The following RAPGEF3 variants were observed in gnomAD, a reference collection of about 807,000 sequenced individuals.
RAPGEF3 encodes 9330170P05Rik.
In RAPGEF3, 103 loss-of-function variants were observed where a neutral mutation model predicts 129.8. The observed-to-expected ratio is 0.79, with a 90% CI of 0.68 to 0.93. RAPGEF3 has a LOEUF of 0.93. Ranked by LOEUF, RAPGEF3 falls within the 40% of genes least tolerant of loss-of-function variation. The pLI, the probability that RAPGEF3 is intolerant of heterozygous loss-of-function variation, is 0.00. For synonymous variants in RAPGEF3, 436 were observed against 482.6 expected (o/e 0.90, Z 1.26); for missense variants, 1,117 against 1,207.4 (o/e 0.93, Z 1.11).
chr12:47,758,153 G>A (rs1396008204), intron 1 of RAPGEF3, 75 bp from the exon 2 acceptor site: 3 of 1,502,908 alleles, frequency 2.0e-6, no homozygotes, highest in Non-Finnish European at 2.7e-6. Context: ...ACTGCCCCAG[G>A]CAGAACTACT....
Position 47,739,212 on chromosome 12 carries a change from G to A in RAPGEF3, c.2392C>T (p.Arg798Trp), listed in dbSNP as rs753781665. The change falls in exon 24 of 28, where the codon CGG becomes TGG. Residue 798 changes from arginine to tryptophan, a missense_variant. Coordinates refer to ENST00000449771, the MANE Select transcript of RAPGEF3 (RefSeq NM_001098531.4). ...ERLLDPSWNHRVYRLALAKLS... is the reference protein window; with the variant it reads ...ERLLDPSWNHWVYRLALAKLS... ...TTGGCGAGGGCCAGTCGGTATACCCGGTGGTTCCATGAGGGATCCTAGGGG... is the reference window on the plus strand; with the variant it reads ...TTGGCGAGGGCCAGTCGGTATACCCAGTGGTTCCATGAGGGATCCTAGGGG... 1.4e-5 allele frequency: 22 copies of A among 1,611,806 alleles called. No individual in the cohort carries two copies. In the East Asian group the frequency reaches 1.8e-4, roughly 13 times the overall value.
chr12:47,744,021 A>C lies in RAPGEF3; in HGVS notation c.1644T>G (p.Pro548=), dbSNP rs1461740300. Residue 548 remains proline (P), a synonymous_variant, in exon 17 of 28, where the codon CCT becomes CCG. Coordinates refer to ENST00000449771, the MANE Select transcript of RAPGEF3 (RefSeq NM_001098531.4). The part of the protein sequence containing the change: ...VWLPNQDEPL[P]GSSCAIQVGD... ...CAACTTGGATGGCACAGCTGCTGCC[A>C]GGAAGGGGCTCGTCCTGGTTGGGGA... 4.8e-5 allele frequency: 78 copies of C among 1,612,464 alleles called. No individual in the cohort carries two copies. The highest frequency in any genetic ancestry group is 6.0e-5 in the Non-Finnish European group (71 of 1,178,654).
In RAPGEF3 at chr12:47,737,018, A is replaced by G. The variant is rs1383518876; in HGVS notation, c.*549T>C. On this transcript the variant is annotated 3_prime_UTR_variant, in exon 28 of 28. Coordinates refer to ENST00000449771, the MANE Select transcript of RAPGEF3 (RefSeq NM_001098531.4). ...CTGGGCTGGCCTGGAACATACTACT[A>G]TGTTGACAGTAACAATAAAGCTCCT... 1.3e-5 allele frequency: 2 copies of G among 156,196 alleles called. No individual in the cohort carries two copies. Among genetic ancestry groups the G allele is most frequent in the Admixed American group, 1.3e-4 (2 of 15,454 alleles). The allele number at this position is 156,196 out of a possible 1,614,324, so 9.7% of individuals were successfully genotyped here.
chr12:47,748,272 GTCCAGCCCCT>G, intron 12 of RAPGEF3, 120 bp from the exon 13 acceptor site: 1 of 1,012,134 alleles, frequency 9.9e-7, no homozygotes, highest in Non-Finnish European at 1.5e-6. Flanking sequence ...TCCCAGCAGT[GTCCAGCCCCT>G]GTGATAGTGC....
rs1319926942 is a variant in RAPGEF3 at position 47,737,685 on chromosome 12, C to T, written c.2654G>A (p.Cys885Tyr). The change falls in exon 28 of 28, where the codon TGC becomes TAC. Residue 885 changes from cysteine to tyrosine, a missense_variant and splice_region_variant. This residue lies in a region of RAPGEF3 where 643 missense variants were observed against 673.4 expected (regional missense o/e 0.95). Coordinates refer to ENST00000449771, the MANE Select transcript of RAPGEF3 (RefSeq NM_001098531.4). Reference sequence around the variant, plus strand: ...CCGGGTGCTCAGGGACTGCTCCGAGCCTGGTGGAGGAGAGTAGTCAGGGAG... The same window carrying T: ...CCGGGTGCTCAGGGACTGCTCCGAGTCTGGTGGAGGAGAGTAGTCAGGGAG... The part of the protein sequence containing the change: ...EDSQVARIST[C>Y]SEQSLSTRSP... The T allele has an allele frequency of 6.2e-7, 1 of 1,612,964 alleles. No individual in the cohort carries two copies. Among genetic ancestry groups the T allele is most frequent in the East Asian group, 2.2e-5 (1 of 44,874 alleles).
intron 2 of RAPGEF3, among the ~76,000 whole-genome samples, chr12:47,755,424 G>A (rs540925888): frequency 1.3e-5 from 2 of 152,192 alleles, no homozygotes; most frequent in East Asian, 1.9e-4. Context: ...GTGCGTTCTC[G>A]GAGTTACAAA....
In RAPGEF3 at chr12:47,751,121, C is replaced by A; in HGVS notation, c.598G>T (p.Glu200Ter). Residue 200 changes from glutamate (E) to a stop codon, truncating the protein, a stop_gained, in exon 6 of 28, where the codon GAG becomes TAG. Transcript: ENST00000449771. LOFTEE classifies it high-confidence loss of function. ...AGCAGGGCCACAGCTTCGGCCAACTCCTCCTCCATCTCATGAGTTCTCACG... is the reference window on the plus strand; with the variant it reads ...AGCAGGGCCACAGCTTCGGCCAACTACTCCTCCATCTCATGAGTTCTCACG... ...EPVRTHEMEE[E>*]LAEAVALLSQ... 1.3e-6 allele frequency: 2 copies of A among 1,578,354 alleles called. No homozygotes were observed. The highest frequency in any genetic ancestry group is 2.3e-5 in the East Asian group (1 of 43,378).
chr12:47,737,873 T>C, intron 27 of RAPGEF3, 149 bp downstream of exon 27: 2 of 1,214,772 alleles, frequency 1.6e-6, no homozygotes, highest in Non-Finnish European at 2.4e-6. Flanking sequence ...GCCCCCTGGC[T>C]CAGAGCACAG....
intron 2 of RAPGEF3, among the ~76,000 whole-genome samples, chr12:47,756,966 TAAAAAAAAAAAAAAGAAAG>T (rs1336323570): frequency 7.3e-6 from 1 of 136,704 alleles, no homozygotes; most frequent in Non-Finnish European, 1.6e-5. Flanking sequence ...AGACTCTGGT[TAAAAAAAAAAAAAAGAAAG>T]AAAAGAAAAA....
intron 15 of RAPGEF3, 106 bp downstream of exon 15, chr12:47,747,438 T>A: frequency 8.9e-7 from 1 of 1,128,750 alleles, no homozygotes; most frequent in Non-Finnish European, 1.3e-6. Flanking sequence ...AAGTAAGTGG[T>A]GCAGCCTGGA....
chr12:47,749,101 T>A lies in RAPGEF3; in HGVS notation c.1042-170A>T. 1 of 656,222 alleles carries A rather than the reference T, an allele frequency of 1.5e-6. No individual in the cohort carries two copies. Among genetic ancestry groups the A allele is most frequent in the Non-Finnish European group, 2.6e-6 (1 of 378,138 alleles). The allele number at this position is 656,222 out of a possible 1,614,324, so 40.6% of individuals were successfully genotyped here. A position where few individuals can be genotyped will look rare whatever the true frequency, so the allele number is the denominator to read the frequency against. On this transcript the variant is annotated intron_variant, in intron 10 of 27. Coordinates refer to ENST00000449771, the MANE Select transcript of RAPGEF3 (RefSeq NM_001098531.4). The surrounding 1 kb of genome is among the most constrained non-coding windows in gnomAD (Gnocchi z 4.5). ...CCTCCTCAGCCTTCCCTACCTTCCA[T>A]GCATCCTGCCTCCCCCACAGCCTAG...
rs756777798 is a variant in RAPGEF3, at chr12:47,740,914, C to T, written c.2049+1G>A. On this transcript the variant is annotated splice_donor_variant, in intron 20 of 27. Transcript: ENST00000449771. LOFTEE classifies it high-confidence loss of function. ...TCCTCCCCCAGCTCTGCCTCCCATA[C>T]CTGGTGGATACTGTTGAAGAGGCTC... 17 of 1,613,922 alleles carry T rather than the reference C, an allele frequency of 1.1e-5. No homozygotes were observed. Among genetic ancestry groups the T allele is most frequent in the Non-Finnish European group, 1.3e-5 (15 of 1,179,996 alleles).
In RAPGEF3 at chr12:47,739,149, G is replaced by T. The variant is rs765761936; in HGVS notation, c.2455C>A (p.Leu819Ile). The change falls in exon 24 of 28, where the codon CTC (leucine) becomes ATC (isoleucine). Residue 819 changes from leucine (L) to isoleucine (I), a missense_variant. By Grantham distance (5) the Leu-to-Ile change is conservative. Around this residue, in one of 3 missense-constraint regions of RAPGEF3, gnomAD observed 643 missense variants for 673.4 expected, o/e 0.95. Transcript: ENST00000449771. ...AGGCAGGAAGCCCTGTTACCTTTGA[G>T]AAGAAGGGGCATGAAGGGGATGACA... ...PPVIPFMPLL[L>I]KDMTFIHEGN... The T allele has an allele frequency of 1.3e-6, 2 of 1,596,800 alleles. No homozygotes were observed. The highest frequency in any genetic ancestry group is 2.2e-5 in the East Asian group (1 of 44,806).
chr12:47,756,978 A>G (rs377218228), intron 2 of RAPGEF3, among the ~76,000 whole-genome samples: 1 of 151,908 alleles, frequency 6.6e-6, no homozygotes, highest in East Asian at 1.9e-4. Flanking sequence ...AAAAAAAAAA[A>G]AAGAAAGAAA....
In RAPGEF3 at chr12:47,735,779, A is replaced by G. The variant is rs61917617; in HGVS notation, c.*1788T>C. ...AGAGTCTGAAGAACGGTGAAGGGCC[A>G]CGGCTGGCTGGCTGGCTTTTGCCGA... On this transcript the variant is annotated 3_prime_UTR_variant, in exon 28 of 28. Coordinates refer to ENST00000449771, the MANE Select transcript of RAPGEF3 (RefSeq NM_001098531.4). 0.27 allele frequency: 40,388 copies of G among 152,282 alleles called. 5,469 individuals carry two copies. The highest frequency in any genetic ancestry group is 0.33 in the Middle Eastern group (98 of 294). 9.4% of individuals were successfully genotyped at this position (152,282 alleles called of 1,614,324 possible). A position where few individuals can be genotyped will look rare whatever the true frequency, so the allele number is the denominator to read the frequency against.
Position 47,748,054 on chromosome 12 carries a change from C to A in RAPGEF3, c.1322+20G>T, listed in dbSNP as rs533742640. The stretch of plus-strand genomic sequence containing the variant: ...CATCCTATCCCCATGCACACCATCC[C>A]CCTGGAGCTGGAAGGATATTGGTGC... On this transcript the variant is annotated intron_variant, in intron 13 of 27. Transcript: ENST00000449771. 2 of 1,566,954 alleles carry A rather than the reference C, an allele frequency of 1.3e-6. No homozygotes were observed. Among genetic ancestry groups the A allele is most frequent in the Non-Finnish European group, 1.7e-6 (2 of 1,151,972 alleles).
chr12:47,746,586 G>A, intron 16 of RAPGEF3: 1 of 694,712 alleles, frequency 1.4e-6, no homozygotes. Context: ...GGCTCTACCT[G>A]TGGGCATGAA....
chr12:47,740,500 G>T lies in RAPGEF3; in HGVS notation c.2232-105C>A. On this transcript the variant is annotated intron_variant, in intron 21 of 27. Coordinates refer to ENST00000449771, the MANE Select transcript of RAPGEF3 (RefSeq NM_001098531.4). ...GCCTCTGCAGAGATCCAAGCTGGAT[G>T]GGGTGGGAAGGCAGAGGCTCCAGGG... 1.2e-5 allele frequency: 18 copies of T among 1,477,578 alleles called. No individual in the cohort carries two copies. The South Asian group carries it at 2.0e-4, about 16-fold the overall frequency. The allele number at this position is 1,477,578 out of a possible 1,614,324, so 91.5% of individuals were successfully genotyped here. A position where few individuals can be genotyped will look rare whatever the true frequency, so the allele number is the denominator to read the frequency against.
In RAPGEF3 at chr12:47,735,630, A is replaced by G. The variant is rs1396934376; in HGVS notation, c.*1937T>C. ...CAGGGTGGTCTGGACTGTAAAGCTGATGGTCCAAGGAGGAGGGAGAAGTCC... is the reference window on the plus strand; with the variant it reads ...CAGGGTGGTCTGGACTGTAAAGCTGGTGGTCCAAGGAGGAGGGAGAAGTCC... On this transcript the variant is annotated 3_prime_UTR_variant, in exon 28 of 28. Transcript: ENST00000449771. 6.6e-6 allele frequency: 1 copy of G among 152,320 alleles called. No individual in the cohort carries two copies. Among genetic ancestry groups the G allele is most frequent in the East Asian group, 1.9e-4 (1 of 5,184 alleles). 9.4% of individuals were successfully genotyped at this position (152,320 alleles called of 1,614,324 possible).
Sources: allele counts gnomAD v4.1 joint callset (sites outside exome capture counted in the v4.1 genomes callset), GRCh38; gene constraint gnomAD v4.1.1; regional missense constraint gnomAD v4.1.1; non-coding constraint Gnocchi (gnomAD v3.1); transcripts MANE v1.5; gene names NCBI Gene and HGNC (gene_info 2026-07-23, HGNC 2026-07-21).